The following C1orf94 variants were observed in gnomAD, a reference collection of about 807,000 sequenced individuals.
C1orf94 encodes uncharacterized protein C1orf94.
A neutral mutation model predicts 53.6 loss-of-function variants in C1orf94; 45 were observed. The ratio of observed to expected loss-of-function variants is 0.84; its 90% CI spans 0.66 to 1.08. C1orf94 has a LOEUF of 1.08. Among genes scored for constraint, C1orf94 ranks in the 50% least tolerant of loss-of-function variants. The pLI is 0.00. For missense variants in C1orf94, 762 were observed against 738.9 expected (o/e 1.03, Z -0.36); for synonymous variants, 304 against 296.1 (o/e 1.03, Z -0.27).
At chr1:34,204,114 G>A (rs956361209) in intron 4 of C1orf94, among the ~76,000 whole-genome samples, 16 of 152,150 alleles carry the variant, frequency 1.1e-4, no homozygotes, top group African/African-American at 3.9e-4. Context: ...CTTCCAACTC[G>A]GCTTGTCCTG....
chr1:34,189,679 T>A (rs982004511), intron 1 of C1orf94, among the ~76,000 whole-genome samples: 3 of 152,184 alleles, frequency 2.0e-5, no homozygotes, highest in Non-Finnish European at 4.4e-5. Flanking sequence ...GCTTACATGA[T>A]AAGGGGCCTC....
intron 3 of C1orf94, among the ~76,000 whole-genome samples, chr1:34,201,613 G>C (rs1287010070): frequency 4.6e-5 from 7 of 152,160 alleles, no homozygotes; most frequent in Non-Finnish European, 2.9e-5. Context: ...TTCCCATATA[G>C]ATACAACAAC....
intron 1 of C1orf94, among the ~76,000 whole-genome samples, chr1:34,188,357 A>G (rs1238285572): frequency 6.6e-6 from 1 of 152,182 alleles, no homozygotes; most frequent in Non-Finnish European, 1.5e-5. Flanking sequence ...AGGGACAATT[A>G]AAAAAATTTG....
chr1:34,214,950 A>C (rs1013088407), intron 6 of C1orf94, among the ~76,000 whole-genome samples: 1 of 152,226 alleles, frequency 6.6e-6, no homozygotes, highest in African/African-American at 2.4e-5. Context: ...CATTCAAAAA[A>C]TATTGATCCA....
intron 1 of C1orf94, among the ~76,000 whole-genome samples, chr1:34,194,267 C>G (rs1642544574): frequency 6.6e-6 from 1 of 152,184 alleles, no homozygotes; most frequent in Non-Finnish European, 1.5e-5. Flanking sequence ...TTTTGTACAA[C>G]TTATAGAATG....
intron 1 of C1orf94, among the ~76,000 whole-genome samples, chr1:34,181,932 G>T (rs1642316280): frequency 6.6e-6 from 1 of 152,146 alleles, no homozygotes; most frequent in South Asian, 2.1e-4. Flanking sequence ...GGTGGCTAAA[G>T]CCTGCAATCC....
At chr1:34,190,453 G>T (rs1288541264) in intron 1 of C1orf94, among the ~76,000 whole-genome samples, 2 of 151,998 alleles carry the variant, frequency 1.3e-5, no homozygotes, top group African/African-American at 4.8e-5. Context: ...TCCCAATGAT[G>T]CACCAAGCTC....
upstream of C1orf94, among the ~76,000 whole-genome samples, chr1:34,176,858 C>T (rs1216186223): frequency 7.2e-5 from 11 of 152,164 alleles, no homozygotes; most frequent in Admixed American, 7.2e-4. Flanking sequence ...TGGGCCCCAC[C>T]CCCACCCACC....
chr1:34,170,614 G>A (rs1206986596), intron 1 of C1orf94, among the ~76,000 whole-genome samples: 1 of 152,020 alleles, frequency 6.6e-6, no homozygotes, highest in Non-Finnish European at 1.5e-5. Flanking sequence ...GCAACTCTAG[G>A]ATGGAAACCT....
At chr1:34,178,318 C>T (rs917510145) in intron 1 of C1orf94, among the ~76,000 whole-genome samples, 12 of 152,160 alleles carry the variant, frequency 7.9e-5, no homozygotes, top group African/African-American at 2.9e-4. Context: ...GGGCTATATT[C>T]CAGGCTGCCT....
At chr1:34,195,062 GA>G (rs1642557050) in intron 1 of C1orf94, among the ~76,000 whole-genome samples, 2 of 152,154 alleles carry the variant, frequency 1.3e-5, no homozygotes, top group South Asian at 4.1e-4. Flanking sequence ...CTAGACATGG[GA>G]AGGAGGCAAA....
chr1:34,171,623 G>A (rs913783856), intron 1 of C1orf94, among the ~76,000 whole-genome samples: 5 of 152,190 alleles, frequency 3.3e-5, no homozygotes, highest in Non-Finnish European at 7.3e-5. Flanking sequence ...ACCCTGATGC[G>A]AGAAACTGAC....
At chr1:34,200,413 A>C (rs1192920231) in intron 2 of C1orf94, among the ~76,000 whole-genome samples, 1 of 152,178 alleles carries the variant, frequency 6.6e-6, no homozygotes, top group African/African-American at 2.4e-5. Flanking sequence ...GGAAGGATGA[A>C]GGGGTGGATG....
At chr1:34,207,098 T>C (rs13375367) in intron 4 of C1orf94, among the ~76,000 whole-genome samples, 13,901 of 152,136 alleles carry the variant, frequency 0.091, 1,329 homozygotes, top group African/African-American at 0.24. Flanking sequence ...CAAGCTGAGC[T>C]GAGAATGGAG....
intron 5 of C1orf94, 69 bp downstream of exon 5, chr1:34,208,303 T>A: frequency 3.5e-6 from 5 of 1,423,504 alleles, no homozygotes; most frequent in Non-Finnish European, 4.9e-6. Context: ...GTGCATCTGC[T>A]CCCTCCTCCT....
At chr1:34,210,454 C>A (rs12723075) in intron 5 of C1orf94, among the ~76,000 whole-genome samples, 2 of 152,204 alleles carry the variant, frequency 1.3e-5, no homozygotes, top group Non-Finnish European at 2.9e-5. Context: ...AGGCTCCGGG[C>A]TTACCCTGCT....
intron 1 of C1orf94, among the ~76,000 whole-genome samples, chr1:34,183,306 T>A (rs1451452523): frequency 3.9e-5 from 6 of 152,262 alleles, no homozygotes; most frequent in Non-Finnish European, 7.3e-5. Context: ...ATTCATTCAT[T>A]CCCCTAATCT....
intron 1 of C1orf94, among the ~76,000 whole-genome samples, chr1:34,193,679 G>A (rs1571342156): frequency 6.6e-6 from 1 of 152,200 alleles, no homozygotes; most frequent in African/African-American, 2.4e-5. Flanking sequence ...TATGTAAAGT[G>A]GGGATGATCC....
upstream of C1orf94, among the ~76,000 whole-genome samples, chr1:34,175,213 A>G (rs1450208502): frequency 7.9e-6 from 1 of 126,246 alleles, no homozygotes; most frequent in African/African-American, 2.9e-5. Flanking sequence ...TTTTTTTTGC[A>G]GTCCTTTCTG....
Sources: gnomAD v4.1 joint callset for allele counts (sites outside exome capture counted in the v4.1 genomes callset) on GRCh38, gnomAD v4.1.1 for gene constraint, MANE v1.5 for transcripts, NCBI Gene and HGNC (gene_info 2026-07-23, HGNC 2026-07-21) for gene names.